Variants in PSIP1 observed in about 807,000 individuals in gnomAD.
The protein encoded by PSIP1 is PC4 and SRSF1 interacting protein 1.
PSIP1 carries 19 observed loss-of-function variants against 74.7 expected under a neutral mutation model. The ratio of observed to expected loss-of-function variants is 0.25; its 90% CI spans 0.18 to 0.37. The LOEUF is 0.37. Ranked by LOEUF, PSIP1 falls within the 10% of genes least tolerant of loss-of-function variation. PSIP1 has a pLI of 1.00. For missense variants in PSIP1, 601 were observed against 614.3 expected, an observed-to-expected ratio of 0.98 and a Z score of 0.23; for synonymous variants, 222 against 195.3, an observed-to-expected ratio of 1.14 and a Z score of -1.14.
At chr9:15,508,268 A>C (rs1016256539) in intron 2 of PSIP1, among the ~76,000 whole-genome samples, 6 of 152,220 alleles carry the variant, frequency 3.9e-5, no homozygotes, top group African/African-American at 1.4e-4. Flanking sequence ...ACTCTACAGC[A>C]AAGATTTCAA....
rs1382839639 is a variant in PSIP1 at position 15,510,289 on chromosome 9, G to A, written c.-101C>T. 3.1e-6 allele frequency: 3 copies of A among 973,896 alleles called. No homozygotes were observed. Among genetic ancestry groups the A allele is most frequent in the Non-Finnish European group, 4.4e-6 (3 of 680,914 alleles). 60.3% of individuals were successfully genotyped at this position (973,896 alleles called of 1,614,324 possible). On this transcript the variant is annotated 5_prime_UTR_variant, in exon 2 of 16. Coordinates refer to ENST00000380733, the MANE Select transcript of PSIP1 (RefSeq NM_033222.5). The stretch of plus-strand genomic sequence containing the variant: ...GGACGCGGGCCCAGCTACCGGGCCC[G>A]CGGGCGGGGGAGGATGCCTCGGGGC...
intron 3 of PSIP1, among the ~76,000 whole-genome samples, chr9:15,495,274 G>A (rs1303388602): frequency 6.6e-6 from 1 of 151,174 alleles, no homozygotes; most frequent in Non-Finnish European, 1.5e-5. Flanking sequence ...ACAGAAGACT[G>A]ATCTACCACA....
chr9:15,470,081 C>T lies in PSIP1; in HGVS notation c.978-88G>A, dbSNP rs538592489. The T allele has an allele frequency of 4.6e-6, 5 of 1,087,904 alleles. No individual in the cohort carries two copies. The African/African-American group carries it at 7.7e-5, about 17-fold the overall frequency. 67.4% of individuals were successfully genotyped at this position (1,087,904 alleles called of 1,614,324 possible). A position where few individuals can be genotyped will look rare whatever the true frequency, so the allele number is the denominator to read the frequency against. On this transcript the variant is annotated intron_variant, in intron 10 of 15. Coordinates refer to ENST00000380733, the MANE Select transcript of PSIP1 (RefSeq NM_033222.5). ...CCTATGTAAAAGCTAAAAATGTTTTCCTTAAAATAAGTCAATAGCCTAGAC... is the reference window on the plus strand; with the variant it reads ...CCTATGTAAAAGCTAAAAATGTTTTTCTTAAAATAAGTCAATAGCCTAGAC...
At chr9:15,487,204 A>T (rs375833224) in intron 4 of PSIP1, among the ~76,000 whole-genome samples, 180 of 151,538 alleles carry the variant, frequency 1.2e-3, no homozygotes, top group African/African-American at 3.6e-3. Context: ...AATAAAAATT[A>T]AAAAAAACTC....
At position 15,482,787 on chromosome 9, in the gene PSIP1, A is replaced by C. The variant is rs1269108793; in HGVS notation, c.457-3100T>G. On this transcript the variant is annotated intron_variant, in intron 6 of 15. Coordinates refer to ENST00000380733, the MANE Select transcript of PSIP1 (RefSeq NM_033222.5). Reference sequence around the variant, plus strand: ...GTTGCCACATTCTCCTTGCCTTCAAAGATTTAAAAAGCACAGTGTAACTTT... The same window carrying C: ...GTTGCCACATTCTCCTTGCCTTCAACGATTTAAAAAGCACAGTGTAACTTT... Among the ~76,000 whole-genome samples the C allele has an allele frequency of 1.3e-5, 2 of 152,178 alleles. 1 individual carries two copies. The highest frequency in any genetic ancestry group is 3.9e-4 in the East Asian group (2 of 5,194).
In PSIP1 at chr9:15,472,651, C is replaced by G; in HGVS notation, c.958G>C (p.Glu320Gln). The G allele has an allele frequency of 6.2e-7, 1 of 1,601,314 alleles. No individual in the cohort carries two copies. The change falls in exon 10 of 16, where the codon GAA (glutamate) becomes CAA (glutamine). Residue 320 changes from glutamate to glutamine, a missense_variant. This residue lies in a region of PSIP1 where 538 missense variants were observed against 507.6 expected (regional missense o/e 1.06). Coordinates refer to ENST00000380733, the MANE Select transcript of PSIP1 (RefSeq NM_033222.5). ...EAADRKRKQEEQMETEQQNKD... is the reference protein window; with the variant it reads ...EAADRKRKQEQQMETEQQNKD... ...ACTTACTGCTCAGTTTCCATTTGTT[C>G]CTCTTGCTTGCGTTTTCGATCTGCT...
intron 11 of PSIP1, 116 bp downstream of exon 11, chr9:15,469,822 T>C (rs2035756916): frequency 4.8e-6 from 4 of 841,148 alleles, no homozygotes; most frequent in Non-Finnish European, 7.3e-6. Flanking sequence ...TTTGAAAAAT[T>C]CTATTTGTAG....
At chr9:15,473,260 C>T (rs2035920870) in intron 9 of PSIP1, among the ~76,000 whole-genome samples, 1 of 152,162 alleles carries the variant, frequency 6.6e-6, no homozygotes, top group Non-Finnish European at 1.5e-5. Flanking sequence ...TTACATACCA[C>T]TGATAAAATG....
At chr9:15,471,009 G>C (rs2035803579) in intron 10 of PSIP1, 2 of 1,280,404 alleles carry the variant, frequency 1.6e-6, no homozygotes, top group Non-Finnish European at 2.0e-6. Context: ...CAGGAAATTT[G>C]TTAATCATAA....
Position 15,474,123 on chromosome 9 carries a change from C to G in PSIP1, c.744G>C (p.Pro248=), listed in dbSNP as rs370771319. ...CTTCTTTCTTCCCCTCTTTTTTATC[C>G]GGCTCTTTTCTTGGCTTATCTTCTT... The part of the protein sequence containing the change: ...QKEEDKPRKE[P]DKKEGKKEVE... The change falls in exon 9 of 16, where the codon CCG becomes CCC. Residue 248 remains proline (P), a synonymous_variant. Transcript: ENST00000380733. The G allele has an allele frequency of 6.2e-7, 1 of 1,612,754 alleles. No homozygotes were observed. Among genetic ancestry groups the G allele is most frequent in the Non-Finnish European group, 8.5e-7 (1 of 1,179,584 alleles).
At chr9:15,495,306 A>AAT (rs2037024075) in intron 3 of PSIP1, among the ~76,000 whole-genome samples, 1 of 152,154 alleles carries the variant, frequency 6.6e-6, no homozygotes, top group African/African-American at 2.4e-5. Context: ...TAAAAGATAA[A>AAT]TTTTTTTACA....
chr9:15,505,399 T>A (rs773958809), intron 3 of PSIP1: 1 of 152,224 alleles, frequency 6.6e-6, no homozygotes, highest in Non-Finnish European at 1.5e-5. Flanking sequence ...AAGTATCCCA[T>A]GGAATCAGAA....
intron 15 of PSIP1, 84 bp from the exon 16 acceptor site, chr9:15,465,664 T>A: frequency 8.5e-7 from 1 of 1,175,202 alleles, no homozygotes; most frequent in Non-Finnish European, 1.2e-6. Flanking sequence ...GCATTATATT[T>A]TTAAACCCAT....
chr9:15,488,665 T>C (rs2036666326), intron 4 of PSIP1, among the ~76,000 whole-genome samples: 1 of 152,138 alleles, frequency 6.6e-6, no homozygotes, highest in African/African-American at 2.4e-5. Flanking sequence ...GGTGGGCAGA[T>C]CACAAGGTCA....
Position 15,465,336 on chromosome 9 carries a change from A to G in PSIP1, c.*184T>C, listed in dbSNP as rs2035542841. On this transcript the variant is annotated 3_prime_UTR_variant, in exon 16 of 16. Transcript: ENST00000380733. ...ACATTTACTGTATAATGTAGCTGTT[A>G]ATACTGCACAAGTACACTTAGCGAT... is the stretch of plus-strand genomic sequence containing the variant. 1.8e-6 allele frequency: 1 copy of G among 555,670 alleles called. No individual in the cohort carries two copies. Among genetic ancestry groups the G allele is most frequent in the African/African-American group, 2.0e-5 (1 of 51,070 alleles). 34.4% of individuals were successfully genotyped at this position (555,670 alleles called of 1,614,324 possible).
At chr9:15,496,703 C>T (rs950511649) in intron 3 of PSIP1, among the ~76,000 whole-genome samples, 9 of 152,206 alleles carry the variant, frequency 5.9e-5, no homozygotes, top group African/African-American at 1.9e-4. Context: ...CATAAATTCA[C>T]GTATCTTAAT....
chr9:15,487,005 A>AC (rs1554660098), intron 4 of PSIP1, 74 bp from the exon 5 acceptor site: 4 of 869,412 alleles, frequency 4.6e-6, no homozygotes, highest in Non-Finnish European at 6.5e-6. Context: ...CTTTATTTTT[A>AC]TTTTTTTTTT....
At chr9:15,472,292 G>A (rs1216087279) in intron 10 of PSIP1, 2 of 1,014,084 alleles carry the variant, frequency 2.0e-6, no homozygotes, top group Admixed American at 5.9e-5. Flanking sequence ...TTGTCTACCA[G>A]TATATTATCG....
rs1183835058 is a variant in PSIP1, at chr9:15,464,568, CATG to C, written c.*949_*951del. On this transcript the variant is annotated 3_prime_UTR_variant, in exon 16 of 16. Transcript: ENST00000380733. ...ATCTAGAAAATAAAAACAATATAGC[CATG>C]ATTTCAAATAGGTGAGTTTCCTTAT... 2 of 198,898 alleles carry C rather than the reference CATG, an allele frequency of 1.0e-5. No homozygotes were observed. Among genetic ancestry groups the C allele is most frequent in the African/African-American group, 4.6e-5 (2 of 43,364 alleles). The allele number at this position is 198,898 out of a possible 1,614,324, so 12.3% of individuals were successfully genotyped here.
Sources: allele counts gnomAD v4.1 joint callset (sites outside exome capture counted in the v4.1 genomes callset), GRCh38; gene constraint gnomAD v4.1.1; regional missense constraint gnomAD v4.1.1; transcripts MANE v1.5; gene names NCBI Gene and HGNC (gene_info 2026-07-23, HGNC 2026-07-21).